CUL1: variants seen among roughly 807,000 people sequenced by gnomAD.
CUL1 encodes the protein cullin-1.
Under a neutral mutation model 118.0 loss-of-function variants are expected in CUL1, and 24 were observed. The ratio of observed to expected loss-of-function variants is 0.20; its 90% CI spans 0.15 to 0.29. The LOEUF (loss-of-function observed/expected upper bound fraction) is 0.29, where lower values mean the gene tolerates loss of function less well. Among genes scored for constraint, CUL1 ranks in the 10% least tolerant of loss-of-function variants. The pLI is 1.00. For synonymous variants in CUL1, 332 were observed against 340.4 expected, an observed-to-expected ratio of 0.98 and a Z score of 0.27; for missense variants, 361 against 933.8, an observed-to-expected ratio of 0.39 and a Z score of 7.99.
At chr7:148,737,666 TCTTGGCTCATTGCAACCTCC>T (rs756670760) in intron 2 of CUL1, among the ~76,000 whole-genome samples, 1 of 151,850 alleles carries the variant, frequency 6.6e-6, no homozygotes, top group Non-Finnish European at 1.5e-5. Context: ...AGTGGTGCAA[TCTTGGCTCATTGCAACCTCC>T]GCCTCCTGGG....
At chr7:148,770,390 G>GT (rs59657582) in intron 9 of CUL1, among the ~76,000 whole-genome samples, 1 of 151,948 alleles carries the variant, frequency 6.6e-6, no homozygotes, top group African/African-American at 2.4e-5. Flanking sequence ...TCAAATATTA[G>GT]TTTTTTTTAG....
chr7:148,732,873 A>C (rs1798809636), intron 2 of CUL1, among the ~76,000 whole-genome samples: 2 of 152,204 alleles, frequency 1.3e-5, no homozygotes, highest in Admixed American at 1.3e-4. Flanking sequence ...CTGAGAAATA[A>C]TAGCTCCATA....
chr7:148,797,661 A>G, intron 17 of CUL1, 151 bp from the exon 18 acceptor site: 2 of 635,772 alleles, frequency 3.1e-6, no homozygotes, highest in Non-Finnish European at 5.4e-6. Context: ...TCTAAGAAGT[A>G]CCAACTTTTT....
At chr7:148,704,175 G>GA (rs1797811365) in intron 1 of CUL1, among the ~76,000 whole-genome samples, 1 of 139,756 alleles carries the variant, frequency 7.2e-6, no homozygotes, top group Non-Finnish European at 1.5e-5. Context: ...CACCCCCGTG[G>GA]AAAAAAATGG....
In CUL1 at chr7:148,744,135, G is replaced by A. The variant is rs549248838; in HGVS notation, c.141-9841G>A. Among the ~76,000 whole-genome samples the A allele has an allele frequency of 3.3e-5, 5 of 152,118 alleles. No homozygotes were observed. In the East Asian group the frequency reaches 5.8e-4, roughly 18 times the overall value. On this transcript the variant is annotated intron_variant, in intron 2 of 21. Coordinates refer to ENST00000325222, the MANE Select transcript of CUL1 (RefSeq NM_003592.3). ...CCATCCATTTGCTTTCAACTTATGTGTATTTTTATATTTAAATTGTGTCCC... is the reference window on the plus strand; with the variant it reads ...CCATCCATTTGCTTTCAACTTATGTATATTTTTATATTTAAATTGTGTCCC...
chr7:148,719,690 G>A (rs550542188), intron 1 of CUL1, among the ~76,000 whole-genome samples: 14 of 152,318 alleles, frequency 9.2e-5, no homozygotes, highest in African/African-American at 2.9e-4. Flanking sequence ...CAACAAAGTA[G>A]AGCTTTAACT....
chr7:148,768,044 A>G (rs989807611), intron 9 of CUL1, among the ~76,000 whole-genome samples: 2 of 152,192 alleles, frequency 1.3e-5, no homozygotes, highest in African/African-American at 4.8e-5. Flanking sequence ...TTCCCTAGAA[A>G]CAAAAGGCTC....
At chr7:148,789,975 G>A in intron 15 of CUL1, 149 bp downstream of exon 15, 1 of 759,088 alleles carries the variant, frequency 1.3e-6, no homozygotes, top group Admixed American at 2.2e-5. Flanking sequence ...TCAGGGAAGA[G>A]CCCTGTGCAG....
chr7:148,740,305 T>C (rs538696839), intron 2 of CUL1, among the ~76,000 whole-genome samples: 12 of 152,272 alleles, frequency 7.9e-5, no homozygotes, highest in African/African-American at 2.9e-4. Flanking sequence ...TCCACCTACC[T>C]CGGCCTCCCA....
At chr7:148,753,467 A>G (rs1024071432) in intron 2 of CUL1, among the ~76,000 whole-genome samples, 1 of 140,668 alleles carries the variant, frequency 7.1e-6, no homozygotes, top group Non-Finnish European at 1.6e-5. Flanking sequence ...CCGTTCACTG[A>G]TAAGTTTTAG....
chr7:148,789,046 A>T (rs1246732021), intron 14 of CUL1, among the ~76,000 whole-genome samples: 1 of 152,214 alleles, frequency 6.6e-6, no homozygotes, highest in Non-Finnish European at 1.5e-5. Context: ...GACTGGGATT[A>T]GGGATCAGTA....
intron 1 of CUL1, among the ~76,000 whole-genome samples, chr7:148,717,999 C>T (rs528592742): frequency 6.6e-6 from 1 of 152,292 alleles, no homozygotes; most frequent in South Asian, 2.1e-4. Context: ...GGAGTATAAA[C>T]CCCTCTCTAT....
intron 7 of CUL1, among the ~76,000 whole-genome samples, chr7:148,765,002 G>A (rs1474145023): frequency 2.0e-5 from 3 of 152,028 alleles, no homozygotes; most frequent in East Asian, 1.9e-4. Context: ...TTAACTTCAA[G>A]CTTTTTTCTA....
intron 1 of CUL1, among the ~76,000 whole-genome samples, chr7:148,706,771 G>A (rs1797899137): frequency 6.6e-6 from 1 of 152,132 alleles, no homozygotes; most frequent in Non-Finnish European, 1.5e-5. Context: ...TCGACATTAT[G>A]AAGATTTTGT....
chr7:148,740,297 C>T (rs1563155512), intron 2 of CUL1, among the ~76,000 whole-genome samples: 1 of 152,230 alleles, frequency 6.6e-6, no homozygotes, highest in East Asian at 1.9e-4. Context: ...TCCAGTAATC[C>T]ACCTACCTCG....
chr7:148,781,667 G>C (rs1296054973), intron 9 of CUL1, among the ~76,000 whole-genome samples: 3 of 152,182 alleles, frequency 2.0e-5, no homozygotes, highest in Non-Finnish European at 4.4e-5. Context: ...CACTGGTTCA[G>C]AGGAGTCCAC....
intron 4 of CUL1, among the ~76,000 whole-genome samples, chr7:148,757,574 A>G (rs1339964578): frequency 2.0e-5 from 3 of 152,172 alleles, no homozygotes; most frequent in Non-Finnish European, 4.4e-5. Flanking sequence ...AGGACCCTGA[A>G]TTAATTAATT....
At chr7:148,721,768 C>T (rs910502197) in intron 1 of CUL1, among the ~76,000 whole-genome samples, 3 of 151,840 alleles carry the variant, frequency 2.0e-5, no homozygotes, top group Admixed American at 1.3e-4. Context: ...TGTGTTGAAG[C>T]GTGTAGCTGA....
chr7:148,765,900 G>T (rs897497522), intron 7 of CUL1, among the ~76,000 whole-genome samples: 17 of 152,174 alleles, frequency 1.1e-4, no homozygotes, highest in African/African-American at 4.1e-4. Flanking sequence ...CTGCACAGAA[G>T]ATGCATTCAT....
Sources: allele counts gnomAD v4.1 joint callset (sites outside exome capture counted in the v4.1 genomes callset), GRCh38; gene constraint gnomAD v4.1.1; transcripts MANE v1.5; gene names NCBI Gene and HGNC (gene_info 2026-07-23, HGNC 2026-07-21).